The following HPSE variants were observed in gnomAD, a reference collection of about 807,000 sequenced individuals.
HPSE encodes the protein heparanase, also known as endo-glucoronidase.
In HPSE, 48 loss-of-function variants were observed where a neutral mutation model predicts 65.1. The ratio of observed to expected loss-of-function variants is 0.74; its 90% CI spans 0.58 to 0.94. The LOEUF (loss-of-function observed/expected upper bound fraction) is 0.94, where lower values mean the gene tolerates loss of function less well. Ranked by LOEUF, HPSE falls within the 40% of genes least tolerant of loss-of-function variation. The pLI, the probability that HPSE is intolerant of heterozygous loss-of-function variation, is 0.00. For missense variants in HPSE, 644 were observed against 637.5 expected (o/e 1.01, Z -0.11); for synonymous variants, 243 against 260.0 (o/e 0.93, Z 0.63).
chr4:83,310,487 A>G (rs1736323976), intron 5 of HPSE, among the ~76,000 whole-genome samples: 1 of 152,008 alleles, frequency 6.6e-6, no homozygotes, highest in Admixed American at 6.6e-5. Flanking sequence ...TGGGCAACAC[A>G]GGGAGACCCC....
chr4:83,314,824 G>A (rs569065341), intron 3 of HPSE, among the ~76,000 whole-genome samples: 56 of 152,054 alleles, frequency 3.7e-4, no homozygotes, highest in Admixed American at 5.9e-4. Context: ...TAAGTCTTTG[G>A]CCTGAATTAC....
chr4:83,311,782 A>G (rs1327918412), intron 4 of HPSE, among the ~76,000 whole-genome samples: 6 of 7,844 alleles, frequency 7.6e-4, no homozygotes, highest in African/African-American at 3.5e-3. Context: ...ATCTTGTCTG[A>G]AAAAAAAAAA....
chr4:83,312,891 G>A (rs1213005833), intron 4 of HPSE, among the ~76,000 whole-genome samples: 17 of 104,360 alleles, frequency 1.6e-4, no homozygotes, highest in Non-Finnish European at 3.1e-4. Context: ...GCGCGGTGGC[G>A]GGTGCCTGTA....
intron 10 of HPSE, among the ~76,000 whole-genome samples, chr4:83,301,870 T>C (rs56804595): frequency 0.26 from 39,464 of 152,060 alleles, 5,282 homozygotes; most frequent in Middle Eastern, 0.35. Context: ...TCTTCAAGAA[T>C]CACTTGAACC....
chr4:83,333,865 AAAAAGAAAAAG>A (rs1737499245), intron 1 of HPSE, among the ~76,000 whole-genome samples: 1 of 152,030 alleles, frequency 6.6e-6, no homozygotes, highest in South Asian at 2.1e-4. Flanking sequence ...AAAGAAAAGA[AAAAAGAAAAAG>A]AAAAGAAAAG....
chr4:83,302,200 A>G lies in HPSE; in HGVS notation c.1275T>C (p.Gly425=). The change falls in exon 10 of 12, where the codon GGT becomes GGC. Residue 425 remains glycine (G), a synonymous_variant. Coordinates refer to ENST00000311412, the MANE Select transcript of HPSE (RefSeq NM_001098540.3). ...ATACTCGAAGCTTCCTTCTCTTTGA[A>G]CCTTGCACGCTTGCCATTAACACCT... is the stretch of plus-strand genomic sequence containing the variant. ...GTKVLMASVQ[G]SKRRKLRVYL... 1 of 1,613,976 alleles carries G rather than the reference A, an allele frequency of 6.2e-7. No individual in the cohort carries two copies. The highest frequency in any genetic ancestry group is 8.5e-7 in the Non-Finnish European group (1 of 1,179,904).
At chr4:83,324,103 T>A (rs1230325204) in intron 1 of HPSE, among the ~76,000 whole-genome samples, 1 of 131,752 alleles carries the variant, frequency 7.6e-6, no homozygotes, top group African/African-American at 3.0e-5. Flanking sequence ...TGCCAATACT[T>A]CTTCTTCTTC....
intron 1 of HPSE, among the ~76,000 whole-genome samples, chr4:83,323,138 C>T (rs1736991076): frequency 1.3e-5 from 2 of 151,954 alleles, no homozygotes; most frequent in Admixed American, 1.3e-4. Context: ...GTAAAAAGAT[C>T]AGCGGTTACC....
intron 4 of HPSE, among the ~76,000 whole-genome samples, chr4:83,312,470 G>T (rs6535460): frequency 0.78 from 114,351 of 147,232 alleles, 44,058 homozygotes; most frequent in East Asian, 0.84. Flanking sequence ...GGGGTCAGGA[G>T]ATAGAGACCA....
rs1735600334 is a variant in HPSE at position 83,292,917 on chromosome 4, T to C, written c.*2427A>G. On this transcript the variant is annotated 3_prime_UTR_variant, in exon 12 of 12. Coordinates refer to ENST00000311412, the MANE Select transcript of HPSE (RefSeq NM_001098540.3). Reference sequence around the variant, plus strand: ...AATTACCTATTGGGTACAATGTACATCACTCAGGTGACAAGTACATTAAAA... The same window carrying C: ...AATTACCTATTGGGTACAATGTACACCACTCAGGTGACAAGTACATTAAAA... 1 of 152,116 alleles carries C rather than the reference T, an allele frequency of 6.6e-6. No individual in the cohort carries two copies. The highest frequency in any genetic ancestry group is 1.5e-5 in the Non-Finnish European group (1 of 68,016). 9.4% of individuals were successfully genotyped at this position (152,116 alleles called of 1,614,324 possible). A position where few individuals can be genotyped will look rare whatever the true frequency, so the allele number is the denominator to read the frequency against.
chr4:83,313,276 C>G lies in HPSE; in HGVS notation c.511G>C (p.Asp171His), dbSNP rs778598594. 1.9e-6 allele frequency: 3 copies of G among 1,607,020 alleles called. No individual in the cohort carries two copies. The highest frequency in any genetic ancestry group is 2.5e-6 in the Non-Finnish European group (3 of 1,177,268). Residue 171 changes from aspartate (D) to histidine (H), a missense_variant, in exon 4 of 12, where the codon GAT (aspartate) becomes CAT (histidine). Coordinates refer to ENST00000311412, the MANE Select transcript of HPSE (RefSeq NM_001098540.3). The part of the protein sequence containing the change: ...KNSTYSRSSV[D>H]VLYTFANCSG... ...CAGTTTGCAAAAGTGTATAGCACAT[C>G]TACAGAGCTTCCTAAAAGAAAAACG...
intron 1 of HPSE, among the ~76,000 whole-genome samples, chr4:83,332,920 GC>G (rs147205506): frequency 0.086 from 12,955 of 149,900 alleles, 588 homozygotes; most frequent in Middle Eastern, 0.14. Flanking sequence ...TTCAGTAACC[GC>G]CCCCCCCCAC....
rs6856901 is a variant in HPSE at position 83,295,215 on chromosome 4, C to G, written c.*129G>C. On this transcript the variant is annotated 3_prime_UTR_variant, in exon 12 of 12. Coordinates refer to ENST00000311412, the MANE Select transcript of HPSE (RefSeq NM_001098540.3). The stretch of plus-strand genomic sequence containing the variant: ...AATACTGTGCTAAATCTAGCACTGA[C>G]AGTGTCCCAGTGTCTCTCAAGCACC... The G allele has an allele frequency of 0.25, 163,375 of 644,462 alleles. 21,954 individuals carry two copies. Among genetic ancestry groups the G allele is most frequent in the African/African-American group, 0.34 (18,575 of 55,154 alleles). 39.9% of individuals were successfully genotyped at this position (644,462 alleles called of 1,614,324 possible).
At chr4:83,324,330 T>C (rs964396813) in intron 1 of HPSE, among the ~76,000 whole-genome samples, 1 of 152,088 alleles carries the variant, frequency 6.6e-6, no homozygotes, top group African/African-American at 2.4e-5. Context: ...AAAGATCTGA[T>C]CTAAAATTTA....
At chr4:83,316,654 A>G (rs1736656491) in intron 3 of HPSE, among the ~76,000 whole-genome samples, 3 of 152,190 alleles carry the variant, frequency 2.0e-5, no homozygotes, top group Non-Finnish European at 2.9e-5. Flanking sequence ...GAGTTAGCTC[A>G]CTCAGGATGA....
chr4:83,296,905 T>A (rs1735749394), intron 11 of HPSE, among the ~76,000 whole-genome samples: 1 of 152,198 alleles, frequency 6.6e-6, no homozygotes, highest in East Asian at 1.9e-4. Flanking sequence ...CATTCTTTCA[T>A]CTATTTTTTG....
chr4:83,334,992 G>T, upstream of HPSE: 1 of 733,722 alleles, frequency 1.4e-6, no homozygotes, highest in Non-Finnish European at 2.1e-6. Flanking sequence ...CCGCCTGCCC[G>T]GCTCTCTCCT....
intron 1 of HPSE, among the ~76,000 whole-genome samples, chr4:83,329,456 T>C (rs548902732): frequency 6.6e-6 from 1 of 152,192 alleles, no homozygotes; most frequent in East Asian, 1.9e-4. Context: ...GAAGCTCAAA[T>C]CAGATATGGA....
chr4:83,293,297 G>C lies in HPSE; in HGVS notation c.*2047C>G, dbSNP rs1735614032. The C allele has an allele frequency of 6.6e-6, 1 of 152,176 alleles. No individual in the cohort carries two copies. Among genetic ancestry groups the C allele is most frequent in the Non-Finnish European group, 1.5e-5 (1 of 68,046 alleles). The allele number at this position is 152,176 out of a possible 1,614,324, so 9.4% of individuals were successfully genotyped here. On this transcript the variant is annotated 3_prime_UTR_variant, in exon 12 of 12. Transcript: ENST00000311412. ...GTTTGCTGTGAGAAGCTCTGAAAAAGAGTTATTCAAGTCTATGAAGGAGAC... is the reference window on the plus strand; with the variant it reads ...GTTTGCTGTGAGAAGCTCTGAAAAACAGTTATTCAAGTCTATGAAGGAGAC...
Sources: gnomAD v4.1 joint callset for allele counts (sites outside exome capture counted in the v4.1 genomes callset) on GRCh38, gnomAD v4.1.1 for gene constraint, MANE v1.5 for transcripts, NCBI Gene and HGNC (gene_info 2026-07-23, HGNC 2026-07-21) for gene names.